The following ANO10 variants were observed in gnomAD, a reference collection of about 807,000 sequenced individuals.
ANO10 encodes anoctamin 10.
A neutral mutation model predicts 74.7 loss-of-function variants in ANO10; 77 were observed. That is an observed-to-expected ratio of 1.03 (90% confidence interval 0.86 to 1.25). The LOEUF is 1.25. Among genes scored for constraint, ANO10 ranks in the 50% most tolerant of loss-of-function variants. The pLI, the probability that ANO10 is intolerant of heterozygous loss-of-function variation, is 0.00. For missense variants in ANO10, 721 were observed against 778.1 expected (o/e 0.93, Z 0.87); for synonymous variants, 279 against 284.9 (o/e 0.98, Z 0.21).
chr3:43,667,027 A>G (rs1253735640), intron 1 of ANO10, among the ~76,000 whole-genome samples: 1 of 135,706 alleles, frequency 7.4e-6, no homozygotes, highest in East Asian at 2.2e-4. Context: ...TTGTTTTTTG[A>G]CCCTTTCTTG....
At chr3:43,367,966 T>C (rs17075614) in intron 12 of ANO10, among the ~76,000 whole-genome samples, 3,698 of 152,250 alleles carry the variant, frequency 0.024, 161 homozygotes, top group African/African-American at 0.083. Flanking sequence ...ATGCTCCCTG[T>C]GGCTTTCAGT....
At chr3:43,572,829 GA>G (rs1448658693) in intron 7 of ANO10, among the ~76,000 whole-genome samples, 1 of 152,124 alleles carries the variant, frequency 6.6e-6, no homozygotes, top group East Asian at 1.9e-4. Context: ...AGTCATTCTA[GA>G]AAGTGAGCAG....
At chr3:43,685,461 G>A (rs1227692919) in intron 1 of ANO10, among the ~76,000 whole-genome samples, 1 of 152,090 alleles carries the variant, frequency 6.6e-6, no homozygotes, top group African/African-American at 2.4e-5. Flanking sequence ...TCTTATTAAT[G>A]TCTTTCTTTT....
chr3:43,426,376 G>C (rs1053851134), intron 12 of ANO10, among the ~76,000 whole-genome samples: 2 of 152,130 alleles, frequency 1.3e-5, no homozygotes, highest in African/African-American at 2.4e-5. Flanking sequence ...AAAAAACAAA[G>C]ACATTATTTG....
chr3:43,541,179 C>A lies in ANO10; in HGVS notation c.1797+8541G>T, dbSNP rs2149278145. On this transcript the variant is annotated intron_variant, in intron 11 of 12. Transcript: ENST00000292246. ...TAGTAACTTAGTTTGTTGTGGGCTCCTTTGTAGGCTAAGTTTTAAACTGAA... is the reference window on the plus strand; with the variant it reads ...TAGTAACTTAGTTTGTTGTGGGCTCATTTGTAGGCTAAGTTTTAAACTGAA... Among the ~76,000 whole-genome samples the A allele has an allele frequency of 2.0e-5, 3 of 152,330 alleles. 1 individual carries two copies. In the South Asian group the frequency reaches 6.2e-4, roughly 32 times the overall value.
intron 10 of ANO10, among the ~76,000 whole-genome samples, chr3:43,552,708 A>G (rs925687811): frequency 5.9e-5 from 7 of 117,890 alleles, no homozygotes; most frequent in African/African-American, 2.2e-4. Flanking sequence ...ATATATATAT[A>G]TATATATATA....
At chr3:43,647,748 C>T (rs1470425156) in intron 1 of ANO10, among the ~76,000 whole-genome samples, 1 of 152,162 alleles carries the variant, frequency 6.6e-6, no homozygotes, top group African/African-American at 2.4e-5. Context: ...TGGAAGGAGA[C>T]AGATTGCAGA....
chr3:43,600,169 A>T (rs2082273200), intron 3 of ANO10, among the ~76,000 whole-genome samples: 1 of 152,242 alleles, frequency 6.6e-6, no homozygotes, highest in African/African-American at 2.4e-5. Context: ...TATTGAACAC[A>T]GCCTCGCCCA....
At chr3:43,418,438 G>A (rs2092774385) in intron 12 of ANO10, among the ~76,000 whole-genome samples, 1 of 152,198 alleles carries the variant, frequency 6.6e-6, no homozygotes, top group African/African-American at 2.4e-5. Flanking sequence ...TTTTCAAAGT[G>A]CTGAGGGTCT....
At chr3:43,630,050 G>A (rs1467248975) in intron 1 of ANO10, among the ~76,000 whole-genome samples, 1 of 152,174 alleles carries the variant, frequency 6.6e-6, no homozygotes, top group Non-Finnish European at 1.5e-5. Context: ...ACTTGGGAAA[G>A]ACTGGCCAAT....
intron 7 of ANO10, among the ~76,000 whole-genome samples, chr3:43,566,989 G>A (rs1342807865): frequency 6.6e-6 from 1 of 152,162 alleles, no homozygotes; most frequent in Non-Finnish European, 1.5e-5. Flanking sequence ...AGTGCTTAAA[G>A]GAGCTGATGG....
At chr3:43,415,935 T>C (rs1401071387) in intron 12 of ANO10, among the ~76,000 whole-genome samples, 1 of 151,664 alleles carries the variant, frequency 6.6e-6, no homozygotes. Context: ...CTATCCTGGA[T>C]AAAGTTTAAA....
intron 12 of ANO10, among the ~76,000 whole-genome samples, chr3:43,430,977 A>C (rs2092970993): frequency 1.3e-5 from 2 of 152,120 alleles, no homozygotes; most frequent in African/African-American, 4.8e-5. Context: ...TCTTGTGAAA[A>C]GAAACACGAT....
chr3:43,403,542 G>A (rs1328711607), intron 12 of ANO10, among the ~76,000 whole-genome samples: 1 of 152,234 alleles, frequency 6.6e-6, no homozygotes, highest in Non-Finnish European at 1.5e-5. Flanking sequence ...GGCAAATGTG[G>A]CCTATCACCA....
intron 11 of ANO10, among the ~76,000 whole-genome samples, chr3:43,483,653 G>T (rs2076355148): frequency 6.6e-6 from 1 of 152,226 alleles, no homozygotes; most frequent in Non-Finnish European, 1.5e-5. Context: ...CCATGGCCCA[G>T]TGTTCAGTTT....
intron 4 of ANO10, among the ~76,000 whole-genome samples, chr3:43,588,846 C>T (rs1005311375): frequency 1.3e-5 from 2 of 152,060 alleles, no homozygotes; most frequent in African/African-American, 4.8e-5. Flanking sequence ...AACATAGCTA[C>T]AAAATTCATA....
At chr3:43,671,776 C>T (rs1172810197) in intron 1 of ANO10, among the ~76,000 whole-genome samples, 2 of 152,094 alleles carry the variant, frequency 1.3e-5, no homozygotes, top group African/African-American at 4.8e-5. Flanking sequence ...GCATATGCTA[C>T]TGAACCTGAC....
At chr3:43,684,870 G>C (rs2084254096) in intron 1 of ANO10, among the ~76,000 whole-genome samples, 1 of 152,126 alleles carries the variant, frequency 6.6e-6, no homozygotes, top group Non-Finnish European at 1.5e-5. Context: ...TCATAGGTGG[G>C]AATTTAACAA....
intron 1 of ANO10, among the ~76,000 whole-genome samples, chr3:43,614,770 A>ACT (rs1316217252): frequency 5.3e-3 from 160 of 30,386 alleles, no homozygotes; most frequent in African/African-American, 0.014. Flanking sequence ...AGAAAACTAA[A>ACT]CTATATATAT....
Sources: gnomAD v4.1 joint callset for allele counts (sites outside exome capture counted in the v4.1 genomes callset) on GRCh38, gnomAD v4.1.1 for gene constraint, MANE v1.5 for transcripts, NCBI Gene and HGNC (gene_info 2026-07-23, HGNC 2026-07-21) for gene names.